Variants in ALK observed in about 807,000 individuals in gnomAD.
ALK encodes ALK tyrosine kinase receptor.
In ALK, 74 loss-of-function variants were observed where a neutral mutation model predicts 163.1. The observed-to-expected ratio is 0.45, with a 90% CI of 0.38 to 0.55. The LOEUF is 0.55. Among genes scored for constraint, ALK ranks in the 20% least tolerant of loss-of-function variants. The pLI, the probability that ALK is intolerant of heterozygous loss-of-function variation, is 0.00. For synonymous variants in ALK, 960 were observed against 843.2 expected (o/e 1.14, Z -2.40); for missense variants, 2,063 against 2,105.3 (o/e 0.98, Z 0.39).
At chr2:29,447,667 G>A (rs1441320807) in intron 4 of ALK, among the ~76,000 whole-genome samples, 1 of 152,208 alleles carries the variant, frequency 6.6e-6, no homozygotes, top group Non-Finnish European at 1.5e-5. Flanking sequence ...GTGGCTGGGG[G>A]AGAGGTGGAG....
At chr2:29,488,054 A>G (rs1450164515) in intron 4 of ALK, among the ~76,000 whole-genome samples, 1 of 152,018 alleles carries the variant, frequency 6.6e-6, no homozygotes, top group Non-Finnish European at 1.5e-5. Context: ...AAAAGCACTA[A>G]CATCCCTTTA....
chr2:29,240,133 G>C (rs549000454), intron 12 of ALK, among the ~76,000 whole-genome samples: 1 of 144,978 alleles, frequency 6.9e-6, no homozygotes, highest in African/African-American at 2.6e-5. Flanking sequence ...AGAAGGAGGG[G>C]AGAGAGAGAG....
intron 3 of ALK, among the ~76,000 whole-genome samples, chr2:29,637,364 A>G (rs143496956): frequency 2.6e-4 from 40 of 152,296 alleles, no homozygotes; most frequent in African/African-American, 9.4e-4. Flanking sequence ...CTCCATTTGT[A>G]TAGCATGTTT....
chr2:29,472,491 T>G (rs747475513), intron 4 of ALK, among the ~76,000 whole-genome samples: 2 of 152,212 alleles, frequency 1.3e-5, no homozygotes, highest in Non-Finnish European at 2.9e-5. Flanking sequence ...TACTTAATGA[T>G]GAAATATTGA....
intron 26 of ALK, among the ~76,000 whole-genome samples, chr2:29,206,638 T>C (rs1296939996): frequency 3.3e-5 from 5 of 152,190 alleles, no homozygotes; most frequent in Non-Finnish European, 1.5e-5. Context: ...GCCCTGTTTC[T>C]GGATCTGGAC....
At chr2:29,620,319 C>T (rs551055616) in intron 3 of ALK, among the ~76,000 whole-genome samples, 6 of 152,090 alleles carry the variant, frequency 3.9e-5, no homozygotes, top group South Asian at 2.1e-4. Flanking sequence ...CACGTTCACA[C>T]GGTGTTCTTT....
chr2:29,577,951 G>T (rs1393425366), intron 3 of ALK, among the ~76,000 whole-genome samples: 5 of 152,164 alleles, frequency 3.3e-5, no homozygotes, highest in African/African-American at 1.2e-4. Context: ...GGCAGGCCCA[G>T]GGTGGCACCC....
At chr2:29,535,648 C>T (rs563703410) in intron 3 of ALK, among the ~76,000 whole-genome samples, 1 of 152,254 alleles carries the variant, frequency 6.6e-6, no homozygotes, top group South Asian at 2.1e-4. Context: ...TCTGGAATTC[C>T]TTTGATCTAG....
chr2:29,315,762 T>C (rs944513456), intron 8 of ALK, among the ~76,000 whole-genome samples: 1 of 152,212 alleles, frequency 6.6e-6, no homozygotes, highest in Non-Finnish European at 1.5e-5. Context: ...CACCAGTTCT[T>C]CTCTGGGAAT....
intron 3 of ALK, among the ~76,000 whole-genome samples, chr2:29,619,351 G>T (rs985729685): frequency 1.3e-5 from 2 of 152,200 alleles, no homozygotes; most frequent in Non-Finnish European, 2.9e-5. Flanking sequence ...CACGGAGCTG[G>T]CTCCTTTCCT....
At chr2:29,824,591 G>A (rs1311103374) in intron 1 of ALK, among the ~76,000 whole-genome samples, 1 of 152,232 alleles carries the variant, frequency 6.6e-6, no homozygotes, top group Non-Finnish European at 1.5e-5. Flanking sequence ...GATCATTTTG[G>A]AGATTTAAGA....
chr2:29,269,338 T>C (rs1386032956), intron 11 of ALK, among the ~76,000 whole-genome samples: 1 of 152,196 alleles, frequency 6.6e-6, no homozygotes, highest in Admixed American at 6.5e-5. Flanking sequence ...TTTCTCACCA[T>C]CAAGCCAACC....
chr2:29,807,261 C>T (rs113522006), intron 1 of ALK, among the ~76,000 whole-genome samples: 4 of 152,222 alleles, frequency 2.6e-5, no homozygotes, highest in African/African-American at 4.8e-5. Flanking sequence ...AGGGAGGAGA[C>T]GAATCTCTCC....
At chr2:29,711,444 C>G (rs1679098698) in intron 2 of ALK, among the ~76,000 whole-genome samples, 1 of 152,200 alleles carries the variant, frequency 6.6e-6, no homozygotes, top group Non-Finnish European at 1.5e-5. Flanking sequence ...TGTCAAAGAG[C>G]AGGTATGCTT....
chr2:29,459,973 T>C (rs546267155), intron 4 of ALK, among the ~76,000 whole-genome samples: 1 of 152,296 alleles, frequency 6.6e-6, no homozygotes, highest in East Asian at 1.9e-4. Context: ...AAAGGTTATG[T>C]GACTCACTCC....
intron 4 of ALK, among the ~76,000 whole-genome samples, chr2:29,495,112 A>G (rs1558350141): frequency 1.3e-5 from 2 of 152,188 alleles, no homozygotes; most frequent in African/African-American, 4.8e-5. Flanking sequence ...AGGATGTTTA[A>G]TGTGCATGAA....
At chr2:29,831,253 GGAAGAGGAAGAAGAAGAAGAA>G (rs1665404461) in intron 1 of ALK, among the ~76,000 whole-genome samples, 2 of 13,308 alleles carry the variant, frequency 1.5e-4, no homozygotes, top group African/African-American at 3.5e-4. Flanking sequence ...AAGAGGAAGA[GGAAGAGGAAGAAGAAGAAGAA>G]GAAGAAGAAG....
chr2:29,909,502 G>GAGAGAGAGAGAGAA (rs1390809603), intron 1 of ALK, among the ~76,000 whole-genome samples: 1 of 151,430 alleles, frequency 6.6e-6, no homozygotes, highest in East Asian at 1.9e-4. Context: ...GAGAGAGAGA[G>GAGAGAGAGAGAGAA]AGAGAGAGAG....
At chr2:29,849,863 C>G (rs1005256681) in intron 1 of ALK, among the ~76,000 whole-genome samples, 3 of 152,014 alleles carry the variant, frequency 2.0e-5, no homozygotes, top group Non-Finnish European at 2.9e-5. Flanking sequence ...TGCCCTCCCC[C>G]CTCATCCCTC....
Sources: gnomAD v4.1 joint callset for allele counts (sites outside exome capture counted in the v4.1 genomes callset) on GRCh38, gnomAD v4.1.1 for gene constraint, MANE v1.5 for transcripts, NCBI Gene and HGNC (gene_info 2026-07-23, HGNC 2026-07-21) for gene names.